The following COL20A1 variants were observed in gnomAD, a reference collection of about 807,000 sequenced individuals.
COL20A1 encodes the protein collagen type XX alpha 1 chain.
In COL20A1, 164 loss-of-function variants were observed where a neutral mutation model predicts 152.9. That is an observed-to-expected ratio of 1.07 (90% CI 0.94 to 1.22). The LOEUF is 1.22. Among genes scored for constraint, COL20A1 ranks in the 50% most tolerant of loss-of-function variants. The pLI is 0.00. For missense variants in COL20A1, 1,873 were observed against 1,744.8 expected, an observed-to-expected ratio of 1.07 and a Z score of -1.31; for synonymous variants, 864 against 756.0, an observed-to-expected ratio of 1.14 and a Z score of -2.34.
intron 5 of COL20A1, 57 bp from the exon 6 acceptor site, chr20:63,307,433 G>A: frequency 6.5e-7 from 1 of 1,534,476 alleles, no homozygotes; most frequent in East Asian, 2.3e-5. Context: ...GGTGATCTGG[G>A]GGCCTTGGAC....
At position 63,307,482 on chromosome 20, in the gene COL20A1, C is replaced by A. The variant is rs374139576; in HGVS notation, c.497-8C>A. On this transcript the variant is annotated splice_region_variant and splice_polypyrimidine_tract_variant and intron_variant, in intron 5 of 35. Transcript: ENST00000358894. ...CACCTAGCACCTGACCCGCTCCCAC[C>A]GCCCCAGCCGGCCCCCAGTTCCGCT... 1 of 1,609,252 alleles carries A rather than the reference C, an allele frequency of 6.2e-7. No homozygotes were observed. The highest frequency in any genetic ancestry group is 8.5e-7 in the Non-Finnish European group (1 of 1,178,488).
rs570927843 is a variant in COL20A1 at position 63,319,019 on chromosome 20, G to C, written c.2664-39G>C. On this transcript the variant is annotated intron_variant, in intron 21 of 35. Transcript: ENST00000358894. The surrounding 1 kb of genome is among the most constrained non-coding windows in gnomAD (Gnocchi z 4.4). The stretch of plus-strand genomic sequence containing the variant: ...GTTCTGCCAGGTTTGGCTGCCCTTG[G>C]GTCTGCTCATGTGCCTCTCCCTCCC... 1.3e-6 allele frequency: 2 copies of C among 1,570,108 alleles called. No individual in the cohort carries two copies. The highest frequency in any genetic ancestry group is 2.7e-5 in the African/African-American group (2 of 74,172).
intron 19 of COL20A1, 34 bp from the exon 20 acceptor site, chr20:63,315,370 T>TC: frequency 1.3e-6 from 2 of 1,558,326 alleles, no homozygotes; most frequent in Non-Finnish European, 1.7e-6. Context: ...GCTGGGCCGC[T>TC]CCCACTCACA....
Position 63,326,113 on chromosome 20 carries a change from G to A in COL20A1, c.3420G>A (p.Glu1140=). ...GCCATCAGGGAATGAGAGGCCTGGAGGGAACTGCTGGCCTGCCTGGACCCC... is the reference window on the plus strand; with the variant it reads ...GCCATCAGGGAATGAGAGGCCTGGAAGGAACTGCTGGCCTGCCTGGACCCC... ...LQGPKGMRGL[E]GTAGLPGPPG... The change falls in exon 30 of 36, where the codon GAG becomes GAA. Residue 1140 remains glutamate, a synonymous_variant. Coordinates refer to ENST00000358894, the MANE Select transcript of COL20A1 (RefSeq NM_020882.4). 1.9e-6 allele frequency: 3 copies of A among 1,612,798 alleles called. No homozygotes were observed. Among genetic ancestry groups the A allele is most frequent in the Middle Eastern group, 1.7e-4 (1 of 6,054 alleles).
At chr20:63,308,377 G>A (rs1333363739) in intron 7 of COL20A1, among the ~76,000 whole-genome samples, 165 bp from the exon 8 acceptor site, 1 of 152,208 alleles carries the variant, frequency 6.6e-6, no homozygotes, top group Non-Finnish European at 1.5e-5. Flanking sequence ...GGGAACTTGG[G>A]GCCCTTCAAC....
chr20:63,297,850 A>G (rs2067817806), intron 2 of COL20A1, 60 bp from the exon 3 acceptor site: 1 of 1,326,246 alleles, frequency 7.5e-7, no homozygotes, highest in Non-Finnish European at 1.1e-6. Context: ...GTACCCCCAC[A>G]GCTGATTAGG....
In COL20A1 at chr20:63,319,358, A is replaced by C. The variant is rs1249893631; in HGVS notation, c.2807-129A>C. 4 of 1,069,062 alleles carry C rather than the reference A, an allele frequency of 3.7e-6. No homozygotes were observed. The African/African-American group carries it at 6.3e-5, about 17-fold the overall frequency. The allele number at this position is 1,069,062 out of a possible 1,614,324, so 66.2% of individuals were successfully genotyped here. ...TGTCCCGGGCAGGGGGCTGTGGGCC[A>C]CATTGAGGGTCACCTCCAGCTTGGC... On this transcript the variant is annotated intron_variant, in intron 22 of 35. Transcript: ENST00000358894. This position sits in a 1 kb window ranked among gnomAD's most constrained non-coding sequence, Gnocchi z 4.4.
intron 27 of COL20A1, among the ~76,000 whole-genome samples, chr20:63,322,796 T>C (rs2068185032): frequency 6.6e-6 from 1 of 152,078 alleles, no homozygotes. Flanking sequence ...GACACCCACC[T>C]CTCCCCCGGC....
chr20:63,311,076 C>A lies in COL20A1; in HGVS notation c.1394-318C>A, dbSNP rs929706274. Among the ~76,000 whole-genome samples the A allele has an allele frequency of 2.6e-5, 4 of 151,876 alleles. No individual in the cohort carries two copies. The highest frequency in any genetic ancestry group is 2.9e-5 in the Non-Finnish European group (2 of 67,968). On this transcript the variant is annotated intron_variant, in intron 11 of 35. Transcript: ENST00000358894. The surrounding 1 kb of genome is among the most constrained non-coding windows in gnomAD (Gnocchi z 4.4). ...TGTCTCTGGATGTGCCTGTCCCAGA[C>A]GTTTCCTGCAGGTGGAATCACACAG...
intron 3 of COL20A1, among the ~76,000 whole-genome samples, chr20:63,302,071 G>A (rs1299032883): frequency 2.6e-5 from 4 of 152,128 alleles, no homozygotes; most frequent in African/African-American, 7.2e-5. Flanking sequence ...TCATGATGCA[G>A]CTTTCAGCAA....
At position 63,324,820 on chromosome 20, in the gene COL20A1, C is replaced by T. The variant is rs371419138; in HGVS notation, c.3295-621C>T. ...ATTTGAGTTTAAATAGCAGCAGTGT[C>T]CTCTGCCCCACAGGGTTGGATTTCC... On this transcript the variant is annotated intron_variant, in intron 27 of 35. Coordinates refer to ENST00000358894, the MANE Select transcript of COL20A1 (RefSeq NM_020882.4). The T allele has an allele frequency of 3.7e-5, 6 of 163,106 alleles. No homozygotes were observed. In the South Asian group the frequency reaches 8.9e-4, roughly 24 times the overall value. 10.1% of individuals were successfully genotyped at this position (163,106 alleles called of 1,614,324 possible).
Position 63,309,484 on chromosome 20 carries a change from G to T in COL20A1, c.1092G>T (p.Pro364=), listed in dbSNP as rs780856429. 3.3e-6 allele frequency: 5 copies of T among 1,522,006 alleles called. No homozygotes were observed. The South Asian group carries it at 6.1e-5, about 19-fold the overall frequency. The allele number at this position is 1,522,006 out of a possible 1,614,324, so 94.3% of individuals were successfully genotyped here. A position where few individuals can be genotyped will look rare whatever the true frequency, so the allele number is the denominator to read the frequency against. The change falls in exon 9 of 36, where the codon CCG becomes CCT. Residue 364 remains proline, a synonymous_variant. Transcript: ENST00000358894. ...GCCAGAGGCTCCAGGGTGGGAGCCC[G>T]CGGCAGGGCCCAGGTGAGGGGCAGG... ...LICQRLQGGS[P]RQGPAAAPAL...
rs2068289059 is a variant in COL20A1, at chr20:63,328,558, CT to C, written c.3781+61del. On this transcript the variant is annotated intron_variant, in intron 34 of 35. Coordinates refer to ENST00000358894, the MANE Select transcript of COL20A1 (RefSeq NM_020882.4). ...GGCCGGTGGGGGCGCCGGTTGTCCC[CT>C]GGTCCTGGGGCTGGGGCTTCAATCT... 2.7e-6 allele frequency: 4 copies of C among 1,499,708 alleles called. No homozygotes were observed. The Admixed American group carries it at 7.7e-5, about 29-fold the overall frequency. 92.9% of individuals were successfully genotyped at this position (1,499,708 alleles called of 1,614,324 possible). A position where few individuals can be genotyped will look rare whatever the true frequency, so the allele number is the denominator to read the frequency against.
intron 30 of COL20A1, 46 bp downstream of exon 30, chr20:63,326,195 G>C (rs762319324): frequency 2.9e-5 from 43 of 1,499,818 alleles, no homozygotes; most frequent in Non-Finnish European, 4.0e-5. Context: ...CAGGGTTCCT[G>C]TGTTCCAGGG....
At chr20:63,310,822 G>A (rs1004795787) in intron 11 of COL20A1, among the ~76,000 whole-genome samples, 7 of 152,036 alleles carry the variant, frequency 4.6e-5, no homozygotes, top group South Asian at 2.1e-4. Flanking sequence ...GGCTTAGCTC[G>A]CTGGGTTCTT....
intron 27 of COL20A1, among the ~76,000 whole-genome samples, chr20:63,322,804 G>T (rs543337460): frequency 6.6e-6 from 1 of 152,226 alleles, no homozygotes; most frequent in Non-Finnish European, 1.5e-5. Flanking sequence ...CCTCTCCCCC[G>T]GCAGCCTTCC....
intron 21 of COL20A1, among the ~76,000 whole-genome samples, chr20:63,317,155 A>G (rs77578056): frequency 2.6e-5 from 4 of 152,210 alleles, no homozygotes; most frequent in Non-Finnish European, 4.4e-5. Flanking sequence ...CTGTGATATA[A>G]GCTGCATGAC....
At position 63,333,382 on chromosome 20, in the gene COL20A1, G is replaced by C. The variant is rs558235055; in HGVS notation, c.*2666G>C. ...CTCAGCTCAGGCCGCTGGGGTCATG[G>C]GGGTTGTGGGAAGGTCATGGAATCA... is the stretch of plus-strand genomic sequence containing the variant. On this transcript the variant is annotated 3_prime_UTR_variant, in exon 36 of 36. Transcript: ENST00000358894. 1 of 152,562 alleles carries C rather than the reference G, an allele frequency of 6.6e-6. No individual in the cohort carries two copies. Among genetic ancestry groups the C allele is most frequent in the East Asian group, 1.9e-4 (1 of 5,170 alleles). 9.5% of individuals were successfully genotyped at this position (152,562 alleles called of 1,614,324 possible). A position where few individuals can be genotyped will look rare whatever the true frequency, so the allele number is the denominator to read the frequency against.
chr20:63,303,569 CT>C (rs1024173738), intron 3 of COL20A1, among the ~76,000 whole-genome samples: 1 of 152,174 alleles, frequency 6.6e-6, no homozygotes, highest in Non-Finnish European at 1.5e-5. Context: ...GGCTTGATAC[CT>C]GTGAAATGCT....
Sources: gnomAD v4.1 joint callset for allele counts (sites outside exome capture counted in the v4.1 genomes callset) on GRCh38, gnomAD v4.1.1 for gene constraint, Gnocchi (gnomAD v3.1) non-coding constraint, MANE v1.5 for transcripts, NCBI Gene and HGNC (gene_info 2026-07-23, HGNC 2026-07-21) for gene names.